Variants in HNRNPH1 observed in about 807,000 individuals in gnomAD.
HNRNPH1 encodes the protein heterogeneous nuclear ribonucleoprotein H.
Under a neutral mutation model 58.6 loss-of-function variants are expected in HNRNPH1, and 4 were observed. That is an observed-to-expected ratio of 0.07 (90% CI 0.03 to 0.16). HNRNPH1 has a LOEUF of 0.16. Among genes scored for constraint, HNRNPH1 ranks in the 10% least tolerant of loss-of-function variants. The pLI, the probability that HNRNPH1 is intolerant of heterozygous loss-of-function variation, is 1.00. For missense variants in HNRNPH1, 271 were observed against 564.2 expected, an observed-to-expected ratio of 0.48 and a Z score of 5.26; for synonymous variants, 192 against 189.2, an observed-to-expected ratio of 1.01 and a Z score of -0.12.
At position 179,623,026 on chromosome 5, in the gene HNRNPH1, T is replaced by C; in HGVS notation, c.97+11A>G. On this transcript the variant is annotated intron_variant, in intron 1 of 12. Coordinates refer to ENST00000356731, the Ensembl canonical transcript of HNRNPH1. ...TCGAACTCGAACTCCCGCGTCCTAG[T>C]TCTAACTCACCAGAAAAAAACCTCT... The C allele has an allele frequency of 6.1e-6, 9 of 1,469,182 alleles. No homozygotes were observed. The highest frequency in any genetic ancestry group is 8.3e-6 in the Non-Finnish European group (9 of 1,087,494). The allele number at this position is 1,469,182 out of a possible 1,614,324, so 91.0% of individuals were successfully genotyped here.
chr5:179,616,225 A>C lies in HNRNPH1; in HGVS notation c.1208-7T>G. The C allele has an allele frequency of 1.9e-6, 3 of 1,606,152 alleles. No homozygotes were observed. Among genetic ancestry groups the C allele is most frequent in the Non-Finnish European group, 2.6e-6 (3 of 1,175,682 alleles). On this transcript the variant is annotated splice_polypyrimidine_tract_variant and splice_region_variant and intron_variant, in intron 10 of 12. Coordinates refer to ENST00000356731, the Ensembl canonical transcript of HNRNPH1. ...CCGTAGCTGGACTGGTTTGCTGTTAAGTTAAGAAAACATTAGAACCTTTTT... is the reference window on the plus strand; with the variant it reads ...CCGTAGCTGGACTGGTTTGCTGTTACGTTAAGAAAACATTAGAACCTTTTT...
chr5:179,615,463 A>T, intron 12 of HNRNPH1, 83 bp downstream of exon 13: 1 of 728,590 alleles, frequency 1.4e-6, no homozygotes, highest in Non-Finnish European at 2.3e-6. Flanking sequence ...GTTAAGTCAG[A>T]GCCATTGACT....
intron 2 of HNRNPH1, among the ~76,000 whole-genome samples, chr5:179,631,574 C>T (rs1387085060): frequency 6.6e-6 from 1 of 152,016 alleles, no homozygotes; most frequent in East Asian, 1.9e-4. Context: ...GGTGAAACCC[C>T]GCCTCTATTA....
chr5:179,619,183 T>A, intron 4 of HNRNPH1, 86 bp downstream of exon 5: 1 of 1,208,218 alleles, frequency 8.3e-7, no homozygotes, highest in Non-Finnish European at 1.2e-6. Context: ...TACAAAACAT[T>A]AATTTCTTCT....
intron 11 of HNRNPH1, 129 bp downstream of exon 12, chr5:179,615,989 GCATCTTCC>G: frequency 1.4e-6 from 1 of 702,454 alleles, no homozygotes; most frequent in Non-Finnish European, 2.5e-6. Context: ...AAAGGAGCCT[GCATCTTCC>G]CAACTAAAGG....
At chr5:179,617,081 A>G (rs1562231210) in exon 9 of HNRNPH1, 1 of 1,614,220 alleles carries the variant, frequency 6.2e-7, no homozygotes, top group Non-Finnish European at 8.5e-7. Context: ...CCTGCTGTAG[A>G]ATTCAAGAAG....
exon 5 of HNRNPH1, chr5:179,618,289 C>T: frequency 6.2e-7 from 1 of 1,613,726 alleles, no homozygotes; most frequent in Non-Finnish European, 8.5e-7. Context: ...TGAGTTCTAA[C>T]TTCAGCTCTA....
At chr5:179,620,778 T>C (rs1045724064) in intron 3 of HNRNPH1, 114 bp downstream of exon 4, 29 of 843,752 alleles carry the variant, frequency 3.4e-5, no homozygotes, top group South Asian at 8.5e-5. Context: ...CATTAATTCA[T>C]TGGCAATTTA....
At chr5:179,615,311 C>T in intron 12 of HNRNPH1, 1 of 465,920 alleles carries the variant, frequency 2.1e-6, no homozygotes, top group Non-Finnish European at 3.8e-6. Context: ...CATAAACATT[C>T]ACAATGTGTC....
chr5:179,616,983 A>C (rs1446555207), intron 9 of HNRNPH1, 25 bp from the exon 11 acceptor site: 1 of 1,601,330 alleles, frequency 6.2e-7, no homozygotes, highest in Admixed American at 1.7e-5. Context: ...AAGGCATACA[A>C]GGTTAGCTTA....
intron 2 of HNRNPH1, among the ~76,000 whole-genome samples, chr5:179,633,249 C>G (rs531839679): frequency 6.6e-6 from 1 of 151,784 alleles, no homozygotes; most frequent in Non-Finnish European, 1.5e-5. Context: ...CCTCAGCCTC[C>G]CGAAGTGTTG....
upstream of HNRNPH1, chr5:179,629,282 G>A (rs533439829): frequency 1.5e-4 from 22 of 146,150 alleles, no homozygotes; most frequent in African/African-American, 5.1e-4. Context: ...GGGTGACAGA[G>A]CGAGACTCCG....
intron 12 of HNRNPH1, 198 bp downstream of exon 13, chr5:179,615,348 G>T: frequency 2.0e-6 from 1 of 494,926 alleles, no homozygotes; most frequent in South Asian, 4.0e-5. Flanking sequence ...AGAAAAGGGA[G>T]CACAGGGGAA....
chr5:179,620,541 C>A (rs535289694), intron 3 of HNRNPH1: 68 of 197,756 alleles, frequency 3.4e-4, no homozygotes, highest in Non-Finnish European at 6.0e-4. Flanking sequence ...TTACAACAAC[C>A]TAATTCATCG....
intron 11 of HNRNPH1, 94 bp downstream of exon 12, chr5:179,616,032 T>A: frequency 9.0e-7 from 1 of 1,112,190 alleles, no homozygotes; most frequent in Admixed American, 1.7e-5. Flanking sequence ...TTACTCTAAG[T>A]ACAGTAACAG....
At chr5:179,625,967 T>TTTATTTATTTA (rs1562362136), upstream of HNRNPH1, among the ~76,000 whole-genome samples, 3 of 111,044 alleles carry the variant, frequency 2.7e-5, no homozygotes, top group African/African-American at 9.1e-5. Context: ...TTATTTATTT[T>TTTATTTATTTA]TTGTAGCAAT....
chr5:179,617,482 T>G (rs967823790), intron 8 of HNRNPH1, 32 bp downstream of exon 9: 40 of 1,606,614 alleles, frequency 2.5e-5, no homozygotes, highest in Non-Finnish European at 3.3e-5. Context: ...CAATCACCTG[T>G]TAAGAGCCCA....
chr5:179,622,367 T>C (rs778393391), intron 1 of HNRNPH1, among the ~76,000 whole-genome samples: 3 of 152,226 alleles, frequency 2.0e-5, no homozygotes, highest in Non-Finnish European at 4.4e-5. Flanking sequence ...CTCGGCCATT[T>C]TCTCAAGATT....
chr5:179,623,655 G>C (rs1312969028), exon 1 of HNRNPH1: 2 of 153,154 alleles, frequency 1.3e-5, no homozygotes, highest in Non-Finnish European at 2.9e-5. Flanking sequence ...CGACTTCTGC[G>C]TGGCTAAGAC....
Sources: gnomAD v4.1 joint callset for allele counts (sites outside exome capture counted in the v4.1 genomes callset) on GRCh38, gnomAD v4.1.1 for gene constraint, MANE v1.5 for transcripts, NCBI Gene and HGNC (gene_info 2026-07-23, HGNC 2026-07-21) for gene names.